Variants in USP43 observed in about 807,000 individuals in gnomAD.
USP43 encodes ubiquitin carboxyl-terminal hydrolase 43.
A neutral mutation model predicts 90.7 loss-of-function variants in USP43; 33 were observed. The observed-to-expected ratio is 0.36, with a 90% CI of 0.28 to 0.49. The LOEUF (loss-of-function observed/expected upper bound fraction) is 0.49. USP43 is among the 20% of genes least tolerant of loss of function. The pLI is 0.98. For missense variants in USP43, 1,274 were observed against 1,476.4 expected (o/e 0.86, Z 2.25); for synonymous variants, 598 against 615.8 (o/e 0.97, Z 0.43).
chr17:9,722,498 CTG>C (rs1917016432), intron 14 of USP43, among the ~76,000 whole-genome samples: 1 of 152,112 alleles, frequency 6.6e-6, no homozygotes, highest in African/African-American at 2.4e-5. Flanking sequence ...TTTTATATGA[CTG>C]TTTCTTCTTT....
At chr17:9,659,811 CTG>C (rs112526082) in intron 2 of USP43, among the ~76,000 whole-genome samples, 15,740 of 152,136 alleles carry the variant, frequency 0.1, 865 homozygotes, top group African/African-American at 0.15. Context: ...AAACTCAACT[CTG>C]TAACAGGGTT....
At chr17:9,700,319 G>T (rs1034966499) in intron 10 of USP43, 70 bp downstream of exon 10, 9 of 1,456,196 alleles carry the variant, frequency 6.2e-6, no homozygotes, top group East Asian at 2.5e-5. Flanking sequence ...TTCCCTGGAC[G>T]CAGCTTCCCC....
intron 12 of USP43, among the ~76,000 whole-genome samples, chr17:9,705,766 C>A (rs1249748413): frequency 2.8e-5 from 4 of 144,736 alleles, no homozygotes; most frequent in African/African-American, 7.8e-5. Context: ...AAAAAAAAAA[C>A]AACAACAACA....
Position 9,686,974 on chromosome 17 carries a change from T to C in USP43, c.1353+65T>C. ...GCGCATGTGCATGCGTGTGTGTGGG[T>C]GTGTGTATTGGGAGGGGTGGAATTT... On this transcript the variant is annotated intron_variant, in intron 8 of 14. Coordinates refer to ENST00000285199, the MANE Select transcript of USP43 (RefSeq NM_153210.5). The surrounding 1 kb of genome is among the most constrained non-coding windows in gnomAD (Gnocchi z 5.5). 1 of 1,457,028 alleles carries C rather than the reference T, an allele frequency of 6.9e-7. No individual in the cohort carries two copies. Among genetic ancestry groups the C allele is most frequent in the Non-Finnish European group, 9.5e-7 (1 of 1,055,944 alleles). The allele number at this position is 1,457,028 out of a possible 1,614,324, so 90.3% of individuals were successfully genotyped here. A position where few individuals can be genotyped will look rare whatever the true frequency, so the allele number is the denominator to read the frequency against.
chr17:9,669,943 C>T (rs996775904), intron 3 of USP43: 8 of 152,114 alleles, frequency 5.3e-5, no homozygotes, highest in African/African-American at 1.9e-4. Context: ...GGCAGGTTTT[C>T]AGTCCAAGTG....
At chr17:9,711,890 T>A (rs1916215543) in intron 13 of USP43, 78 bp from the exon 14 acceptor site, 1 of 1,408,004 alleles carries the variant, frequency 7.1e-7, no homozygotes, top group East Asian at 2.7e-5. Flanking sequence ...GGAATGGGGA[T>A]CTGGTTGTGA....
At chr17:9,660,996 T>G (rs1257952937) in intron 2 of USP43, among the ~76,000 whole-genome samples, 1 of 152,238 alleles carries the variant, frequency 6.6e-6, no homozygotes, top group Non-Finnish European at 1.5e-5. Flanking sequence ...GGAAAGCCAC[T>G]GTCCTCTGTG....
chr17:9,667,753 A>G (rs1039212036), intron 3 of USP43, among the ~76,000 whole-genome samples: 5 of 152,198 alleles, frequency 3.3e-5, no homozygotes, highest in Non-Finnish European at 7.4e-5. Flanking sequence ...AGCCTCCTCT[A>G]AGATGCTTGC....
At chr17:9,700,109 C>A in intron 9 of USP43, 63 bp from the exon 10 acceptor site, 2 of 1,454,822 alleles carry the variant, frequency 1.4e-6, no homozygotes, top group East Asian at 2.5e-5. Context: ...GACTGCTGAG[C>A]CCTGAAGAGC....
At chr17:9,666,500 G>C (rs937572399) in intron 2 of USP43, 148 bp from the exon 3 acceptor site, 4 of 634,036 alleles carry the variant, frequency 6.3e-6, no homozygotes, top group Non-Finnish European at 1.1e-5. Flanking sequence ...CTTGAGTTAT[G>C]GTAAAGGCAG....
At chr17:9,689,056 T>C (rs933590731) in intron 8 of USP43, among the ~76,000 whole-genome samples, 22 of 152,214 alleles carry the variant, frequency 1.4e-4, no homozygotes, top group African/African-American at 4.8e-4. Flanking sequence ...GGGCAACCTT[T>C]GACTCAGCCA....
At chr17:9,715,113 T>C (rs1238071757) in intron 14 of USP43, among the ~76,000 whole-genome samples, 6 of 152,134 alleles carry the variant, frequency 3.9e-5, no homozygotes, top group Admixed American at 1.3e-4. Flanking sequence ...GATGATCAGG[T>C]CTACAGGGAG....
At position 9,682,824 on chromosome 17, in the gene USP43, T is replaced by C; in HGVS notation, c.1107T>C (p.Ala369=). 1 of 1,613,906 alleles carries C rather than the reference T, an allele frequency of 6.2e-7. No individual in the cohort carries two copies. ...CAAATGTCATTCTCTCCCTTCTAGC[T>C]CATCCACTGGGTCTGTCGGCCTCCC... is the stretch of plus-strand genomic sequence containing the variant. ...PPSPSQGTLS[A]HPLGLSASPR... The change falls in exon 7 of 15, where the codon GCT becomes GCC. Residue 369 remains alanine (A), a splice_region_variant and synonymous_variant. Transcript: ENST00000285199.
chr17:9,726,930 G>A (rs901102972), intron 14 of USP43, among the ~76,000 whole-genome samples: 4 of 152,096 alleles, frequency 2.6e-5, no homozygotes, highest in Non-Finnish European at 4.4e-5. Context: ...TGTAAAACAA[G>A]GCATTTTAAT....
chr17:9,649,542 C>G (rs1196314218), intron 1 of USP43, among the ~76,000 whole-genome samples: 1 of 151,938 alleles, frequency 6.6e-6, no homozygotes, highest in African/African-American at 2.4e-5. Flanking sequence ...CTCCTTCCTT[C>G]TGCGGTTCTC....
chr17:9,654,488 GA>G (rs1167112873), intron 1 of USP43, among the ~76,000 whole-genome samples: 2 of 151,818 alleles, frequency 1.3e-5, no homozygotes, highest in Admixed American at 1.3e-4. Context: ...CATCTCTACT[GA>G]AAATACAAAC....
intron 3 of USP43, among the ~76,000 whole-genome samples, chr17:9,668,543 T>C (rs1913191479): frequency 6.6e-6 from 1 of 152,232 alleles, no homozygotes; most frequent in Admixed American, 6.5e-5. Context: ...GAAAAATCTA[T>C]AGCACTTGAC....
chr17:9,715,153 G>A (rs1307861188), intron 14 of USP43, among the ~76,000 whole-genome samples: 1 of 152,304 alleles, frequency 6.6e-6, no homozygotes, highest in East Asian at 1.9e-4. Flanking sequence ...GAACAAGGGG[G>A]TAACCACAGA....
At chr17:9,684,227 C>A (rs1035137848) in intron 7 of USP43, among the ~76,000 whole-genome samples, 2 of 152,012 alleles carry the variant, frequency 1.3e-5, no homozygotes, top group Non-Finnish European at 2.9e-5. Context: ...AGTTTAACAT[C>A]AAAGTCAGGA....
Sources: gnomAD v4.1 joint callset for allele counts (sites outside exome capture counted in the v4.1 genomes callset) on GRCh38, gnomAD v4.1.1 for gene constraint, Gnocchi (gnomAD v3.1) non-coding constraint, MANE v1.5 for transcripts, NCBI Gene and HGNC (gene_info 2026-07-23, HGNC 2026-07-21) for gene names.